The following PTPRD variants were observed in gnomAD, a reference collection of about 807,000 sequenced individuals.
PTPRD encodes the protein receptor-type tyrosine-protein phosphatase delta.
A neutral mutation model predicts 214.5 loss-of-function variants in PTPRD; 34 were observed. The observed-to-expected ratio is 0.16, with a 90% confidence interval of 0.12 to 0.21. The LOEUF (loss-of-function observed/expected upper bound fraction) is 0.21, where lower values mean the gene tolerates loss of function less well. Among genes scored for constraint, PTPRD ranks in the 10% least tolerant of loss-of-function variants. PTPRD has a pLI of 1.00. For missense variants in PTPRD, 2,545 were observed against 2,398.7 expected (o/e 1.06, Z -1.27); for synonymous variants, 1,128 against 845.7 (o/e 1.33, Z -5.79).
chr9:10,217,728 T>C lies in PTPRD; in HGVS notation c.-545+123235A>G, dbSNP rs530410113. On this transcript the variant is annotated intron_variant, in intron 3 of 45. Transcript: ENST00000381196. Reference sequence around the variant, plus strand: ...TCATGATGTAAGAAATTCAACTACATGTATATAATAATGGCCTATCATGTG... The same window carrying C: ...TCATGATGTAAGAAATTCAACTACACGTATATAATAATGGCCTATCATGTG... Among the ~76,000 whole-genome samples the C allele has an allele frequency of 5.7e-4, 86 of 152,020 alleles. 3 individuals carry two copies. In the South Asian group the frequency reaches 0.017, roughly 31 times the overall value.
intron 11 of PTPRD, among the ~76,000 whole-genome samples, chr9:8,814,989 A>G (rs575612969): frequency 4.5e-4 from 69 of 152,354 alleles, no homozygotes; most frequent in African/African-American, 1.5e-3. Flanking sequence ...TTCTTATTCA[A>G]TAAATGCTGT....
chr9:9,742,617 G>A (rs966970876), intron 6 of PTPRD, among the ~76,000 whole-genome samples: 2 of 151,758 alleles, frequency 1.3e-5, no homozygotes, highest in Admixed American at 6.6e-5. Context: ...CAGAGAGCCT[G>A]AGCCATATTC....
chr9:10,339,615 G>A (rs1565396447), intron 3 of PTPRD, among the ~76,000 whole-genome samples: 1 of 151,730 alleles, frequency 6.6e-6, no homozygotes, highest in Middle Eastern at 3.4e-3. Flanking sequence ...CAATACTTAT[G>A]AAGAAAAGGG....
chr9:9,702,016 T>G (rs4742612), intron 7 of PTPRD, among the ~76,000 whole-genome samples: 58,875 of 151,532 alleles, frequency 0.39, 12,614 homozygotes, highest in East Asian at 0.72. Context: ...CTACTAGGGG[T>G]AGCTGAGGCA....
At chr9:9,855,201 TTTTAAC>T (rs1194867136) in intron 5 of PTPRD, among the ~76,000 whole-genome samples, 2 of 152,292 alleles carry the variant, frequency 1.3e-5, no homozygotes, top group Admixed American at 1.3e-4. Context: ...ATGTTTTACT[TTTTAAC>T]TTACAGCAGC....
intron 11 of PTPRD, among the ~76,000 whole-genome samples, chr9:8,762,237 C>T (rs917933630): frequency 6.6e-6 from 1 of 152,054 alleles, no homozygotes; most frequent in East Asian, 1.9e-4. Flanking sequence ...TTCATGGAGG[C>T]AAGAGAGATC....
intron 2 of PTPRD, among the ~76,000 whole-genome samples, chr9:10,484,828 C>CT (rs1555410422): frequency 2.6e-5 from 4 of 151,932 alleles, no homozygotes; most frequent in Non-Finnish European, 4.4e-5. Context: ...TGTCTCTTCA[C>CT]TTTTTTTTCC....
chr9:10,183,302 C>CAAT (rs1185016896), intron 3 of PTPRD, among the ~76,000 whole-genome samples: 1 of 151,972 alleles, frequency 6.6e-6, no homozygotes, highest in Admixed American at 6.6e-5. Flanking sequence ...GAAAAGAAGA[C>CAAT]AATAATAATA....
chr9:10,564,892 T>C (rs1171165997), intron 2 of PTPRD, among the ~76,000 whole-genome samples: 1 of 152,160 alleles, frequency 6.6e-6, no homozygotes, highest in Non-Finnish European at 1.5e-5. Context: ...TGCTATTCAG[T>C]TAATTAATAA....
chr9:8,593,406 T>C (rs895944030), intron 14 of PTPRD, among the ~76,000 whole-genome samples: 3 of 152,178 alleles, frequency 2.0e-5, no homozygotes, highest in African/African-American at 7.2e-5. Context: ...GTCACACTTG[T>C]TTATTGTAAG....
In PTPRD at chr9:8,504,326, G is replaced by A. The variant is rs1349236329; in HGVS notation, c.1757C>T (p.Ala586Val). Residue 586 changes from alanine (A) to valine (V), a missense_variant, in exon 23 of 46, where the codon GCT (alanine) becomes GTT (valine). Physicochemically the swap from Ala to Val is moderately conservative, Grantham distance 64 (BLOSUM62 0). Transcript: ENST00000381196. ...ACCCAGGCCTTGAGGGGAGCGTGCA[G>A]CCAGACGGAAATAGTATAAGCTGTT... The part of the protein sequence containing the change: ...KPNSLYYFRL[A>V]ARSPQGLGAS... 1 of 1,614,172 alleles carries A rather than the reference G, an allele frequency of 6.2e-7. No homozygotes were observed. The highest frequency in any genetic ancestry group is 2.2e-5 in the East Asian group (1 of 44,882).
chr9:9,576,165 C>G (rs1159805372), intron 7 of PTPRD, among the ~76,000 whole-genome samples: 1 of 152,056 alleles, frequency 6.6e-6, no homozygotes, highest in Admixed American at 6.6e-5. Context: ...ACTGTTTCAA[C>G]TAGTTTCTAC....
chr9:8,838,106 G>A (rs1377700517), intron 11 of PTPRD, among the ~76,000 whole-genome samples: 4 of 152,034 alleles, frequency 2.6e-5, no homozygotes, highest in Non-Finnish European at 5.9e-5. Flanking sequence ...GAGGGGTCCA[G>A]CATAATAAAA....
At chr9:10,401,536 T>C (rs1378617681) in intron 2 of PTPRD, among the ~76,000 whole-genome samples, 1 of 150,716 alleles carries the variant, frequency 6.6e-6, no homozygotes, top group Admixed American at 6.7e-5. Context: ...ATATATAGTA[T>C]ATCTGTGGTG....
chr9:10,403,237 T>TATATATATATAC, intron 2 of PTPRD, among the ~76,000 whole-genome samples: 1 of 122,694 alleles, frequency 8.2e-6, no homozygotes. Flanking sequence ...AATATATATA[T>TATATATATATAC]ATATATATAT....
chr9:8,503,245 G>T (rs1378409157), intron 23 of PTPRD, among the ~76,000 whole-genome samples: 1 of 152,038 alleles, frequency 6.6e-6, no homozygotes, highest in Non-Finnish European at 1.5e-5. Flanking sequence ...GGAAGGAAAT[G>T]AATCTTTTAA....
intron 5 of PTPRD, among the ~76,000 whole-genome samples, chr9:9,797,406 T>G (rs1302928157): frequency 6.6e-6 from 1 of 151,904 alleles, no homozygotes; most frequent in East Asian, 1.9e-4. Flanking sequence ...AGGTAATTAT[T>G]GTTTAAGAAA....
chr9:10,360,958 C>T (rs369381801), intron 2 of PTPRD, among the ~76,000 whole-genome samples: 7 of 151,538 alleles, frequency 4.6e-5, no homozygotes, highest in Admixed American at 1.3e-4. Flanking sequence ...AAAAATTAGC[C>T]GGGCGTGGTG....
intron 3 of PTPRD, among the ~76,000 whole-genome samples, chr9:10,330,399 C>T (rs61150544): frequency 0.051 from 7,792 of 151,862 alleles, 621 homozygotes; most frequent in African/African-American, 0.18. Context: ...CAGATTTGCA[C>T]TCCTGACTGT....
Sources: gnomAD v4.1 joint callset for allele counts (sites outside exome capture counted in the v4.1 genomes callset) on GRCh38, gnomAD v4.1.1 for gene constraint, MANE v1.5 for transcripts, NCBI Gene and HGNC (gene_info 2026-07-23, HGNC 2026-07-21) for gene names.